Variants in NCKAP5 observed in about 807,000 individuals in gnomAD.
The protein encoded by NCKAP5 is nck-associated protein 5.
Under a neutral mutation model 167.0 loss-of-function variants are expected in NCKAP5, and 92 were observed. The ratio of observed to expected loss-of-function variants is 0.55; its 90% confidence interval spans 0.47 to 0.66. The LOEUF (loss-of-function observed/expected upper bound fraction) is 0.66. Among genes scored for constraint, NCKAP5 ranks in the 30% least tolerant of loss-of-function variants. The pLI is 0.00. For synonymous variants in NCKAP5, 891 were observed against 877.4 expected, an observed-to-expected ratio of 1.02 and a Z score of -0.27; for missense variants, 2,378 against 2,315.0, an observed-to-expected ratio of 1.03 and a Z score of -0.56.
the NCKAP5 span, among the ~76,000 whole-genome samples, chr2:133,653,563 A>G: frequency 6.6e-6 from 1 of 152,192 alleles, no homozygotes; most frequent in Non-Finnish European, 1.5e-5. Flanking sequence ...ATGTCCTTTC[A>G]AGATGACCCT....
rs74926045 is a variant in NCKAP5, at chr2:133,147,229, C to T, written c.208-17118G>A. 4.7e-3 allele frequency among the ~76,000 whole-genome samples: 708 copies of T among 152,202 alleles called. 1 individual carries two copies. Among genetic ancestry groups the T allele is most frequent in the African/African-American group, 0.016 (662 of 41,540 alleles). ...ACCAGTGTTTACTAAATATTAATACCTACTAAGCACAGGGTGCTCCTCTAT... is the reference window on the plus strand; with the variant it reads ...ACCAGTGTTTACTAAATATTAATACTTACTAAGCACAGGGTGCTCCTCTAT... On this transcript the variant is annotated intron_variant, in intron 5 of 19. Transcript: ENST00000409261.
intron 6 of NCKAP5, among the ~76,000 whole-genome samples, chr2:133,033,294 T>A (rs2078939212): frequency 6.6e-6 from 1 of 152,228 alleles, no homozygotes; most frequent in South Asian, 2.1e-4. Flanking sequence ...AGAACCACAG[T>A]GTAACTGGGC....
At chr2:133,532,254 GTTGTCTT>G (rs1685428278) in intron 2 of NCKAP5, among the ~76,000 whole-genome samples, 1 of 152,178 alleles carries the variant, frequency 6.6e-6, no homozygotes, top group Admixed American at 6.5e-5. Flanking sequence ...ATGGGTATTA[GTTGTCTT>G]ACATTTTTTA....
At chr2:132,943,088 G>A (rs1479194857) in intron 8 of NCKAP5, among the ~76,000 whole-genome samples, 1 of 152,132 alleles carries the variant, frequency 6.6e-6, no homozygotes, top group Non-Finnish European at 1.5e-5. Flanking sequence ...ATCAAGTAGG[G>A]TCTGAACCTA....
intron 3 of NCKAP5, chr2:133,434,005 A>T (rs1385350398): frequency 6.6e-6 from 1 of 152,292 alleles, no homozygotes; most frequent in East Asian, 1.9e-4. Context: ...CGTGTAGTCC[A>T]GTTAAGTTTG....
At chr2:132,963,545 C>T (rs941675240) in intron 8 of NCKAP5, among the ~76,000 whole-genome samples, 175 bp downstream of exon 8, 3 of 152,134 alleles carry the variant, frequency 2.0e-5, no homozygotes, top group African/African-American at 7.2e-5. Context: ...GGTCAAGACC[C>T]TTTCAGTGCT....
chr2:133,062,522 T>C (rs1220519966), intron 6 of NCKAP5, among the ~76,000 whole-genome samples: 3 of 152,132 alleles, frequency 2.0e-5, no homozygotes, highest in Non-Finnish European at 4.4e-5. Context: ...AAGAAATAAA[T>C]ACTTCTATAT....
intron 2 of NCKAP5, among the ~76,000 whole-genome samples, chr2:133,555,656 C>A (rs1442439917): frequency 6.6e-6 from 1 of 152,230 alleles, no homozygotes; most frequent in African/African-American, 2.4e-5. Flanking sequence ...AAATACCACA[C>A]TTCCTTTCAT....
At chr2:133,517,642 G>A in intron 2 of NCKAP5, 55 bp from the exon 3 acceptor site, 1 of 531,164 alleles carries the variant, frequency 1.9e-6, no homozygotes, top group Non-Finnish European at 3.1e-6. Flanking sequence ...TTAGACCTTT[G>A]TTTTTAACTC....
intron 16 of NCKAP5, among the ~76,000 whole-genome samples, chr2:132,773,478 T>A (rs563706894): frequency 1.3e-5 from 2 of 152,342 alleles, no homozygotes; most frequent in Admixed American, 1.3e-4. Context: ...AATATTTCAT[T>A]TAAGAAAGCC....
chr2:132,702,680 A>G (rs555927287), intron 19 of NCKAP5, among the ~76,000 whole-genome samples: 1 of 152,042 alleles, frequency 6.6e-6, no homozygotes, highest in African/African-American at 2.4e-5. Context: ...GTTTTTCTTC[A>G]TCATTTCTTC....
At chr2:132,834,726 T>C (rs868429449) in intron 11 of NCKAP5, among the ~76,000 whole-genome samples, 2 of 152,272 alleles carry the variant, frequency 1.3e-5, no homozygotes, top group Middle Eastern at 3.4e-3. Context: ...TGGCCTCAAG[T>C]GACCCTTCTG....
At chr2:133,159,413 G>A (rs1447264871) in intron 5 of NCKAP5, among the ~76,000 whole-genome samples, 7 of 152,222 alleles carry the variant, frequency 4.6e-5, no homozygotes, top group East Asian at 1.9e-4. Context: ...AGAGAAACCC[G>A]TCAAGGTATC....
chr2:133,603,823 C>T, the NCKAP5 span, among the ~76,000 whole-genome samples: 1 of 152,248 alleles, frequency 6.6e-6, no homozygotes, highest in Non-Finnish European at 1.5e-5. Flanking sequence ...AGGCGTGAGC[C>T]ACCGCTCCCA....
the NCKAP5 span, among the ~76,000 whole-genome samples, chr2:133,585,008 G>GAGAAA: frequency 2.2e-5 from 3 of 139,496 alleles, no homozygotes; most frequent in East Asian, 2.2e-4. Flanking sequence ...GAAAGAAAGA[G>GAGAAA]AGAAAAGAAA....
At chr2:133,543,176 G>A (rs2104897563) in intron 2 of NCKAP5, among the ~76,000 whole-genome samples, 1 of 152,204 alleles carries the variant, frequency 6.6e-6, no homozygotes, top group East Asian at 1.9e-4. Context: ...GTTAACATGA[G>A]ATCTGGTTGT....
chr2:133,220,339 A>C (rs1344811), intron 4 of NCKAP5, among the ~76,000 whole-genome samples: 58,708 of 151,630 alleles, frequency 0.39, 11,543 homozygotes, highest in Admixed American at 0.41. Context: ...ATATAAAGAA[A>C]ATACAAACGA....
chr2:133,498,433 C>CGGAAGGAAGGAAGGAAGGAAGGAAGGAA (rs749222948), intron 3 of NCKAP5, among the ~76,000 whole-genome samples: 50 of 100,378 alleles, frequency 5.0e-4, no homozygotes, highest in South Asian at 2.3e-3. Flanking sequence ...ATGAGAAAAA[C>CGGAAGGAAGGAAGGAAGGAAGGAAGGAA]GGAAGGAAGG....
chr2:132,808,426 T>A (rs549862816), intron 11 of NCKAP5, among the ~76,000 whole-genome samples: 2 of 152,214 alleles, frequency 1.3e-5, no homozygotes, highest in Admixed American at 1.3e-4. Flanking sequence ...AAATTACCAG[T>A]TCAATCTCAC....
Sources: gnomAD v4.1 joint callset for allele counts (sites outside exome capture counted in the v4.1 genomes callset) on GRCh38, gnomAD v4.1.1 for gene constraint, MANE v1.5 for transcripts, NCBI Gene and HGNC (gene_info 2026-07-23, HGNC 2026-07-21) for gene names.